GPC5: variants seen among roughly 807,000 people sequenced by gnomAD.
GPC5 encodes glypican-5.
A neutral mutation model predicts 53.9 loss-of-function variants in GPC5; 47 were observed. That is an observed-to-expected ratio of 0.87 (90% CI 0.69 to 1.11). The LOEUF (loss-of-function observed/expected upper bound fraction) is 1.11, where lower values mean the gene tolerates loss of function less well. GPC5 is among the 50% of genes most tolerant of loss of function. The pLI is 0.00. For missense variants in GPC5, 748 were observed against 713.1 expected (o/e 1.05, Z -0.56); for synonymous variants, 286 against 263.3 (o/e 1.09, Z -0.84).
intron 7 of GPC5, among the ~76,000 whole-genome samples, chr13:92,414,644 G>A (rs544036683): frequency 6.6e-6 from 1 of 152,168 alleles, no homozygotes; most frequent in East Asian, 1.9e-4. Flanking sequence ...ATGAGTATGG[G>A]TGTCTGAGTT....
chr13:91,470,601 A>AT (rs1882558435), intron 2 of GPC5, among the ~76,000 whole-genome samples: 1 of 152,132 alleles, frequency 6.6e-6, no homozygotes, highest in Admixed American at 6.6e-5. Flanking sequence ...TTGTGATGTG[A>AT]TTTTGAATCA....
intron 7 of GPC5, among the ~76,000 whole-genome samples, chr13:92,389,598 T>A (rs1271544359): frequency 6.6e-6 from 1 of 152,068 alleles, no homozygotes; most frequent in Non-Finnish European, 1.5e-5. Context: ...AAAAACAAAA[T>A]GAAAGCTTGG....
intron 7 of GPC5, among the ~76,000 whole-genome samples, chr13:92,669,059 T>G (rs1886663236): frequency 6.6e-6 from 1 of 152,110 alleles, no homozygotes; most frequent in Admixed American, 6.6e-5. Flanking sequence ...TACTATAATT[T>G]GAATATACAA....
intron 7 of GPC5, among the ~76,000 whole-genome samples, chr13:92,820,572 C>T (rs1051510947): frequency 2.6e-5 from 4 of 152,224 alleles, no homozygotes; most frequent in Admixed American, 6.5e-5. Context: ...AAACTCACAA[C>T]GCCTTCGTTA....
At chr13:92,836,198 A>AT (rs1440977818) in intron 7 of GPC5, among the ~76,000 whole-genome samples, 2 of 151,662 alleles carry the variant, frequency 1.3e-5, no homozygotes, top group Admixed American at 6.6e-5. Context: ...TTTATAGCTT[A>AT]TTTTTTCTAG....
chr13:92,498,437 A>C (rs1880059243), intron 7 of GPC5, among the ~76,000 whole-genome samples: 1 of 152,124 alleles, frequency 6.6e-6, no homozygotes, highest in Non-Finnish European at 1.5e-5. Context: ...TTTGCCTCTT[A>C]GTGGCATACA....
At chr13:91,765,778 A>T (rs982790687) in intron 5 of GPC5, among the ~76,000 whole-genome samples, 2 of 152,228 alleles carry the variant, frequency 1.3e-5, no homozygotes, top group Non-Finnish European at 2.9e-5. Flanking sequence ...ATGTGATATG[A>T]GTTTTCATTC....
intron 5 of GPC5, among the ~76,000 whole-genome samples, chr13:91,793,728 A>G (rs915251376): frequency 5.3e-5 from 8 of 152,198 alleles, no homozygotes; most frequent in Middle Eastern, 3.4e-3. Flanking sequence ...ATCATGGGGG[A>G]AGGCAAAGGA....
rs1485964641 is a variant in GPC5 at position 92,568,929 on chromosome 13, G to GT, written c.1562-297349dup. On this transcript the variant is annotated intron_variant, in intron 7 of 7. Transcript: ENST00000377067. ...TCATAGGCATTGTTTCTTTTTTTTAGTTTTATTATTATTATACTTTAACTT... is the reference window on the plus strand; with the variant it reads ...TCATAGGCATTGTTTCTTTTTTTTAGTTTTTATTATTATTATACTTTAACTT... Among the ~76,000 whole-genome samples the GT allele has an allele frequency of 1.4e-4, 21 of 151,840 alleles. No homozygotes were observed. The South Asian group carries it at 4.4e-3, about 32-fold the overall frequency.
chr13:91,824,887 C>T (rs1161177631), intron 5 of GPC5, among the ~76,000 whole-genome samples: 1 of 152,050 alleles, frequency 6.6e-6, no homozygotes, highest in African/African-American at 2.4e-5. Context: ...AGATATTCTG[C>T]ATGAAATATT....
At chr13:91,544,743 C>T (rs1257717821) in intron 2 of GPC5, among the ~76,000 whole-genome samples, 2 of 152,172 alleles carry the variant, frequency 1.3e-5, no homozygotes, top group East Asian at 1.9e-4. Context: ...GTAAATTACC[C>T]TAAAACTTAG....
At chr13:92,783,719 T>C (rs1280754433) in intron 7 of GPC5, among the ~76,000 whole-genome samples, 1 of 152,170 alleles carries the variant, frequency 6.6e-6, no homozygotes, top group African/African-American at 2.4e-5. Flanking sequence ...CTTTATCTTG[T>C]AGGTTTTGCC....
Position 92,278,601 on chromosome 13 carries a change from G to T in GPC5, c.1561+133612G>T, listed in dbSNP as rs926222570. Among the ~76,000 whole-genome samples, 10 of 151,918 alleles carry T rather than the reference G, an allele frequency of 6.6e-5. 1 individual carries two copies. Among genetic ancestry groups the T allele is most frequent in the African/African-American group, 2.4e-4 (10 of 41,404 alleles). On this transcript the variant is annotated intron_variant, in intron 7 of 7. Coordinates refer to ENST00000377067, the MANE Select transcript of GPC5 (RefSeq NM_004466.6). ...TTGTTGTTCATGCTTTTGGTGTCAA[G>T]AATCCATTGCCTGATCATGAAGATT... is the stretch of plus-strand genomic sequence containing the variant.
At chr13:92,654,940 GAC>G (rs1348395566) in intron 7 of GPC5, among the ~76,000 whole-genome samples, 10 of 152,168 alleles carry the variant, frequency 6.6e-5, no homozygotes, top group Non-Finnish European at 1.3e-4. Flanking sequence ...GAAATTTGGA[GAC>G]AGACACAGGC....
chr13:91,540,668 T>C (rs1215970709), intron 2 of GPC5, among the ~76,000 whole-genome samples: 2 of 152,190 alleles, frequency 1.3e-5, no homozygotes, highest in Admixed American at 6.6e-5. Context: ...TGTAAATAGA[T>C]GGACTTGGAA....
intron 6 of GPC5, among the ~76,000 whole-genome samples, chr13:92,032,466 A>G (rs2040860478): frequency 6.6e-6 from 1 of 151,696 alleles, no homozygotes; most frequent in Non-Finnish European, 1.5e-5. Context: ...AAACAGAAAC[A>G]AAAACAAGAA....
intron 7 of GPC5, among the ~76,000 whole-genome samples, chr13:92,201,524 A>C (rs1353652845): frequency 6.6e-6 from 1 of 152,206 alleles, no homozygotes. Flanking sequence ...TGATGCATGC[A>C]TTTGATATTC....
intron 7 of GPC5, among the ~76,000 whole-genome samples, chr13:92,611,696 ATTT>A (rs1187003640): frequency 6.6e-6 from 1 of 152,122 alleles, no homozygotes; most frequent in Non-Finnish European, 1.5e-5. Context: ...TATTTAATGA[ATTT>A]TGAAGTGAAC....
intron 7 of GPC5, among the ~76,000 whole-genome samples, chr13:92,282,015 T>G (rs2042919245): frequency 1.3e-5 from 2 of 152,090 alleles, no homozygotes; most frequent in African/African-American, 4.8e-5. Context: ...ATTAGACAAA[T>G]GGCTAACCAG....
Sources: gnomAD v4.1 joint callset for allele counts (sites outside exome capture counted in the v4.1 genomes callset) on GRCh38, gnomAD v4.1.1 for gene constraint, MANE v1.5 for transcripts, NCBI Gene and HGNC (gene_info 2026-07-23, HGNC 2026-07-21) for gene names.